C3orf22: variants seen among roughly 807,000 people sequenced by gnomAD.
C3orf22 encodes the protein chromosome 3 open reading frame 22.
A neutral mutation model predicts 10.8 loss-of-function variants in C3orf22; 7 were observed. That is an observed-to-expected ratio of 0.65 (90% CI 0.37 to 1.22). The LOEUF is 1.22. Among genes scored for constraint, C3orf22 ranks in the 50% most tolerant of loss-of-function variants. C3orf22 has a pLI of 0.02. For synonymous variants in C3orf22, 79 were observed against 78.9 expected, an observed-to-expected ratio of 1.00 and a Z score of 0.00; for missense variants, 173 against 177.0, an observed-to-expected ratio of 0.98 and a Z score of 0.13.
chr3:126,557,423 G>A (rs1391279960), intron 1 of C3orf22, among the ~76,000 whole-genome samples: 2 of 152,238 alleles, frequency 1.3e-5, no homozygotes, highest in Non-Finnish European at 2.9e-5. Flanking sequence ...CTGGGATTCC[G>A]GAGTCCTCCA....
intron 4 of C3orf22, chr3:126,536,353 G>A (rs1936790550): frequency 6.2e-7 from 1 of 1,612,976 alleles, no homozygotes. Context: ...ACCTGGATCA[G>A]GTAGGTGGAC....
chr3:126,530,925 G>A (rs138493954), intron 4 of C3orf22, among the ~76,000 whole-genome samples: 8 of 152,352 alleles, frequency 5.3e-5, no homozygotes, highest in African/African-American at 9.6e-5. Context: ...TGGCCTGGGC[G>A]CAGAGGGGGC....
At chr3:126,532,447 G>A (rs997873420) in intron 4 of C3orf22, among the ~76,000 whole-genome samples, 2 of 152,294 alleles carry the variant, frequency 1.3e-5, no homozygotes, top group East Asian at 3.9e-4. Context: ...GTTTTTGTAT[G>A]TGGTATGAAG....
In C3orf22 at chr3:126,551,172, G is replaced by A. The variant is rs561080709; in HGVS notation, c.215+825C>T. Among the ~76,000 whole-genome samples, 15 of 152,324 alleles carry A rather than the reference G, an allele frequency of 9.8e-5. No individual in the cohort carries two copies. The South Asian group carries it at 2.3e-3, about 23-fold the overall frequency. On this transcript the variant is annotated intron_variant, in intron 3 of 3. Coordinates refer to ENST00000318225, the MANE Select transcript of C3orf22 (RefSeq NM_152533.3). ...TCTCCAGGTGTGTGTTCAGGGGAACGCGTGTGCATCCTCATGGCTGGCCAG... is the reference window on the plus strand; with the variant it reads ...TCTCCAGGTGTGTGTTCAGGGGAACACGTGTGCATCCTCATGGCTGGCCAG...
chr3:126,530,109 C>T (rs564049488), intron 4 of C3orf22, among the ~76,000 whole-genome samples: 1 of 152,366 alleles, frequency 6.6e-6, no homozygotes, highest in African/African-American at 2.4e-5. Context: ...TCAAGATACC[C>T]CCCTTCTGAC....
chr3:126,551,137 CACT>C (rs1257927885), intron 3 of C3orf22, among the ~76,000 whole-genome samples: 4 of 152,092 alleles, frequency 2.6e-5, no homozygotes, highest in South Asian at 2.1e-4. Context: ...GTGTGCGTGG[CACT>C]ACTATCTCTC....
At chr3:126,557,306 C>G (rs1937371919) in intron 1 of C3orf22, among the ~76,000 whole-genome samples, 1 of 152,250 alleles carries the variant, frequency 6.6e-6, no homozygotes, top group Admixed American at 6.5e-5. Context: ...TGCTTCCCTT[C>G]CCAATTCAAA....
chr3:126,551,079 G>A lies in C3orf22; in HGVS notation c.215+918C>T, dbSNP rs549768969. 2.2e-3 allele frequency among the ~76,000 whole-genome samples: 330 copies of A among 152,366 alleles called. 1 individual carries two copies. The Middle Eastern group carries it at 0.041, about 19-fold the overall frequency. ...GTGAGGCCTGGCAAAGGCCAGGGCCGTTTGTGTGCTGGATGTGCATGTAAG... is the reference window on the plus strand; with the variant it reads ...GTGAGGCCTGGCAAAGGCCAGGGCCATTTGTGTGCTGGATGTGCATGTAAG... On this transcript the variant is annotated intron_variant, in intron 3 of 3. Coordinates refer to ENST00000318225, the MANE Select transcript of C3orf22 (RefSeq NM_152533.3).
intron 3 of C3orf22, among the ~76,000 whole-genome samples, chr3:126,551,036 G>A (rs1353401979): frequency 7.2e-5 from 11 of 152,276 alleles, no homozygotes. Flanking sequence ...TGATGCTCCT[G>A]TAGCCGAACT....
chr3:126,556,319 C>CT (rs1339305463), intron 1 of C3orf22, among the ~76,000 whole-genome samples: 1 of 152,182 alleles, frequency 6.6e-6, no homozygotes, highest in Non-Finnish European at 1.5e-5. Context: ...CCTTGCCCCT[C>CT]TTTGGGGGCA....
intron 4 of C3orf22, among the ~76,000 whole-genome samples, chr3:126,533,844 A>T (rs978181995): frequency 2.6e-5 from 4 of 152,022 alleles, no homozygotes; most frequent in African/African-American, 9.7e-5. Flanking sequence ...AAGCCATCTG[A>T]TCCTGGGCTT....
chr3:126,538,252 G>A (rs996238932), intron 4 of C3orf22, among the ~76,000 whole-genome samples: 4 of 152,218 alleles, frequency 2.6e-5, no homozygotes, highest in Non-Finnish European at 4.4e-5. Flanking sequence ...GCCCACCATC[G>A]TCCTCCGGAT....
intron 3 of C3orf22, 68 bp from the exon 4 acceptor site, chr3:126,550,146 G>C: frequency 6.4e-7 from 1 of 1,568,122 alleles, no homozygotes; most frequent in Middle Eastern, 1.9e-4. Context: ...TTGCAGCCCA[G>C]AGAAGTCAGC....
chr3:126,530,216 C>T (rs760443717), intron 4 of C3orf22, among the ~76,000 whole-genome samples: 37 of 152,356 alleles, frequency 2.4e-4, no homozygotes, highest in South Asian at 1.7e-3. Flanking sequence ...TGGATGGAGG[C>T]GGCCCAGCCC....
rs549448194 is a variant in C3orf22, at chr3:126,555,451, G to A, written c.-40-2021C>T. Among the ~76,000 whole-genome samples the A allele has an allele frequency of 6.6e-5, 10 of 152,306 alleles. No individual in the cohort carries two copies. In the East Asian group the frequency reaches 7.7e-4, roughly 12 times the overall value. ...CCCCGCTCCAGCATGGAACTGGGCC[G>A]CACAGCAGGAGGTGGGTGGCAGGTG... On this transcript the variant is annotated intron_variant, in intron 1 of 3. Coordinates refer to ENST00000318225, the MANE Select transcript of C3orf22 (RefSeq NM_152533.3).
chr3:126,544,719 C>T (rs952122388), downstream of C3orf22, among the ~76,000 whole-genome samples: 21 of 152,238 alleles, frequency 1.4e-4, no homozygotes, highest in African/African-American at 5.1e-4. Context: ...TAGATGTGCC[C>T]TGCCTCCTGC....
intron 1 of C3orf22, among the ~76,000 whole-genome samples, chr3:126,557,836 C>T (rs1229767955): frequency 6.6e-6 from 1 of 152,222 alleles, no homozygotes; most frequent in African/African-American, 2.4e-5. Flanking sequence ...GCCCACTAGT[C>T]TAGTACAGGG....
chr3:126,554,645 CT>C (rs1020795091), intron 1 of C3orf22, among the ~76,000 whole-genome samples: 2 of 152,208 alleles, frequency 1.3e-5, no homozygotes, highest in African/African-American at 4.8e-5. Flanking sequence ...GGTCTGACCC[CT>C]GGTGTCCTTT....
At chr3:126,556,901 GACTC>G (rs1226529038) in intron 1 of C3orf22, among the ~76,000 whole-genome samples, 1 of 140,112 alleles carries the variant, frequency 7.1e-6, no homozygotes, top group East Asian at 2.1e-4. Flanking sequence ...CACATGCTCA[GACTC>G]ACACACATAG....
Sources: allele counts gnomAD v4.1 joint callset (sites outside exome capture counted in the v4.1 genomes callset), GRCh38; gene constraint gnomAD v4.1.1; transcripts MANE v1.5; gene names NCBI Gene and HGNC (gene_info 2026-07-23, HGNC 2026-07-21).